The following CNTN5 variants were observed in gnomAD, a reference collection of about 807,000 sequenced individuals.
CNTN5 encodes the protein contactin-5.
A neutral mutation model predicts 129.1 loss-of-function variants in CNTN5; 77 were observed. That is an observed-to-expected ratio of 0.60 (90% CI 0.50 to 0.72). The LOEUF is 0.72. Among genes scored for constraint, CNTN5 ranks in the 30% least tolerant of loss-of-function variants. CNTN5 has a pLI of 0.00. For synonymous variants in CNTN5, 509 were observed against 465.6 expected, an observed-to-expected ratio of 1.09 and a Z score of -1.20; for missense variants, 1,478 against 1,328.8, an observed-to-expected ratio of 1.11 and a Z score of -1.75.
intron 3 of CNTN5, among the ~76,000 whole-genome samples, chr11:99,598,285 T>TGTC (rs1565335398): frequency 4.4e-3 from 29 of 6,526 alleles, no homozygotes; most frequent in East Asian, 0.01. Context: ...TTTTCTTTTC[T>TGTC]TTTCTTTTCT....
intron 1 of CNTN5, among the ~76,000 whole-genome samples, chr11:99,061,358 GT>G (rs1864868576): frequency 6.6e-6 from 1 of 152,158 alleles, no homozygotes; most frequent in Non-Finnish European, 1.5e-5. Flanking sequence ...TGGGATGGCA[GT>G]ATGTGGAAAG....
intron 9 of CNTN5, among the ~76,000 whole-genome samples, chr11:100,044,447 C>G (rs1051547659): frequency 1.3e-5 from 2 of 151,926 alleles, no homozygotes; most frequent in Non-Finnish European, 2.9e-5. Flanking sequence ...TACATTTCTA[C>G]CAACTGTGTA....
At chr11:99,944,367 A>C (rs1469115188) in intron 7 of CNTN5, among the ~76,000 whole-genome samples, 2 of 151,274 alleles carry the variant, frequency 1.3e-5, no homozygotes, top group East Asian at 3.9e-4. Context: ...GTATCTCAAA[A>C]TAATAAGAGC....
At chr11:99,201,920 T>C (rs1214928405) in intron 1 of CNTN5, among the ~76,000 whole-genome samples, 2 of 152,226 alleles carry the variant, frequency 1.3e-5, no homozygotes, top group African/African-American at 4.8e-5. Flanking sequence ...TAGACTTGTC[T>C]TGTTTAAGCT....
At chr11:100,193,746 G>T (rs1948561322) in intron 15 of CNTN5, 83 bp downstream of exon 15, 3 of 1,164,152 alleles carry the variant, frequency 2.6e-6, no homozygotes, top group South Asian at 1.5e-5. Context: ...TAGCTATGAA[G>T]TGCTAAGAAA....
At chr11:99,770,686 T>G (rs182140868) in intron 3 of CNTN5, among the ~76,000 whole-genome samples, 1 of 152,270 alleles carries the variant, frequency 6.6e-6, no homozygotes, top group Admixed American at 6.5e-5. Flanking sequence ...TTTCTCTAAA[T>G]ATTTTATTTT....
intron 24 of CNTN5, among the ~76,000 whole-genome samples, chr11:100,351,657 T>TAAAAAAAAAAAA (rs60798966): frequency 7.7e-5 from 8 of 103,618 alleles, no homozygotes; most frequent in Admixed American, 9.9e-5. Flanking sequence ...GTAGAGATAG[T>TAAAAAAAAAAAA]AAAAAAAAAA....
chr11:100,247,272 T>C (rs1033283834), intron 16 of CNTN5, among the ~76,000 whole-genome samples: 2 of 152,152 alleles, frequency 1.3e-5, no homozygotes, highest in Non-Finnish European at 2.9e-5. Flanking sequence ...GGATAGATAA[T>C]GATGATGGTA....
At chr11:99,984,437 A>G (rs1591524587) in intron 8 of CNTN5, among the ~76,000 whole-genome samples, 1 of 152,294 alleles carries the variant, frequency 6.6e-6, no homozygotes, top group South Asian at 2.1e-4. Context: ...AGTAAGGCAC[A>G]AGATTTCTTG....
At chr11:99,136,919 A>G (rs1859259187) in intron 1 of CNTN5, among the ~76,000 whole-genome samples, 1 of 152,146 alleles carries the variant, frequency 6.6e-6, no homozygotes, top group African/African-American at 2.4e-5. Flanking sequence ...CATATGGAAA[A>G]CATAATTTAT....
intron 3 of CNTN5, among the ~76,000 whole-genome samples, chr11:99,803,650 A>T (rs1946181234): frequency 6.6e-6 from 1 of 152,164 alleles, no homozygotes; most frequent in African/African-American, 2.4e-5. Context: ...CCTCTCCGTA[A>T]ATTAGCTCTC....
intron 2 of CNTN5, among the ~76,000 whole-genome samples, chr11:99,466,597 T>A (rs561395566): frequency 6.6e-6 from 1 of 152,284 alleles, no homozygotes; most frequent in Non-Finnish European, 1.5e-5. Context: ...ATAACACATC[T>A]CTAAGTCTTA....
At chr11:99,761,461 T>C (rs1944579352) in intron 3 of CNTN5, among the ~76,000 whole-genome samples, 1 of 152,010 alleles carries the variant, frequency 6.6e-6, no homozygotes, top group Non-Finnish European at 1.5e-5. Context: ...TTCCCCTTCG[T>C]GTGTCCATGT....
At chr11:99,358,897 T>C (rs1271804837) in intron 2 of CNTN5, among the ~76,000 whole-genome samples, 2 of 151,394 alleles carry the variant, frequency 1.3e-5, no homozygotes, top group African/African-American at 4.9e-5. Flanking sequence ...TTCCACTTTA[T>C]AGGAAAAAAA....
intron 2 of CNTN5, among the ~76,000 whole-genome samples, chr11:99,466,510 A>G (rs1411078186): frequency 6.6e-6 from 1 of 152,180 alleles, no homozygotes; most frequent in Non-Finnish European, 1.5e-5. Flanking sequence ...TTTCTTATAT[A>G]GTTTCCTGAT....
rs188063674 is a variant in CNTN5, at chr11:99,237,984, A to G, written c.-209-87362A>G. On this transcript the variant is annotated intron_variant, in intron 1 of 24. Coordinates refer to ENST00000524871, the MANE Select transcript of CNTN5 (RefSeq NM_014361.4). Reference sequence around the variant, plus strand: ...CATTTTTCCTAAACTGCTATGCTATATAACAGAGCGCTATTGTAAAATAAT... The same window carrying G: ...CATTTTTCCTAAACTGCTATGCTATGTAACAGAGCGCTATTGTAAAATAAT... Among the ~76,000 whole-genome samples the G allele has an allele frequency of 9.1e-4, 139 of 152,296 alleles. 1 individual carries two copies. In the East Asian group the frequency reaches 0.026, roughly 28 times the overall value.
chr11:99,838,993 C>T (rs1947392117), intron 4 of CNTN5, among the ~76,000 whole-genome samples: 1 of 151,972 alleles, frequency 6.6e-6, no homozygotes, highest in South Asian at 2.1e-4. Context: ...TTTAAACTAA[C>T]CCAAGTAGGT....
intron 1 of CNTN5, among the ~76,000 whole-genome samples, chr11:99,067,112 C>G (rs535471813): frequency 6.6e-6 from 1 of 152,276 alleles, no homozygotes; most frequent in South Asian, 2.1e-4. Flanking sequence ...TTGGCATTTA[C>G]TTCACCAAGG....
chr11:99,477,543 T>G (rs1945421378), intron 2 of CNTN5, among the ~76,000 whole-genome samples: 1 of 152,154 alleles, frequency 6.6e-6, no homozygotes, highest in East Asian at 1.9e-4. Context: ...ACAGAAATGG[T>G]ATATGCGTTT....
Sources: gnomAD v4.1 joint callset for allele counts (sites outside exome capture counted in the v4.1 genomes callset) on GRCh38, gnomAD v4.1.1 for gene constraint, MANE v1.5 for transcripts, NCBI Gene and HGNC (gene_info 2026-07-23, HGNC 2026-07-21) for gene names.